ADGRL3: variants seen among roughly 807,000 people sequenced by gnomAD.
The protein encoded by ADGRL3 is adhesion G protein-coupled receptor L3, also known as calcium-independent alpha-latrotoxin receptor 3.
Under a neutral mutation model 153.5 loss-of-function variants are expected in ADGRL3, and 62 were observed. The ratio of observed to expected loss-of-function variants is 0.40; its 90% CI spans 0.33 to 0.50. ADGRL3 has a LOEUF of 0.50. Ranked by LOEUF, ADGRL3 falls within the 20% of genes least tolerant of loss-of-function variation. ADGRL3 has a pLI of 0.47. For missense variants in ADGRL3, 1,641 were observed against 1,859.4 expected (o/e 0.88, Z 2.16); for synonymous variants, 710 against 672.5 (o/e 1.06, Z -0.86).
intron 1 of ADGRL3, among the ~76,000 whole-genome samples, chr4:61,265,811 CTA>C (rs1425466138): frequency 6.6e-6 from 1 of 151,796 alleles, no homozygotes; most frequent in Non-Finnish European, 1.5e-5. Context: ...TAGCTTCAAT[CTA>C]TGATTTTTGA....
intron 1 of ADGRL3, among the ~76,000 whole-genome samples, chr4:61,375,165 A>C (rs1374018506): frequency 6.6e-6 from 1 of 152,100 alleles, no homozygotes; most frequent in African/African-American, 2.4e-5. Context: ...AAAATCTATC[A>C]TGAGTCTGTA....
At chr4:61,397,259 A>T (rs2096879157) in intron 2 of ADGRL3, among the ~76,000 whole-genome samples, 1 of 151,754 alleles carries the variant, frequency 6.6e-6, no homozygotes, top group Admixed American at 6.6e-5. Context: ...CTCCTCACAA[A>T]CTTTTTAAAT....
chr4:61,908,949 T>C (rs1206403046), intron 11 of ADGRL3, among the ~76,000 whole-genome samples: 1 of 152,186 alleles, frequency 6.6e-6, no homozygotes, highest in East Asian at 1.9e-4. Flanking sequence ...GACATATTCT[T>C]GTAGAATGTA....
chr4:62,030,226 C>G (rs2151491228), intron 22 of ADGRL3, among the ~76,000 whole-genome samples: 1 of 151,726 alleles, frequency 6.6e-6, no homozygotes, highest in East Asian at 1.9e-4. Context: ...ACAAATTGAA[C>G]TCAGCTTCAG....
chr4:61,323,438 A>G (rs2095405443), intron 1 of ADGRL3, among the ~76,000 whole-genome samples: 1 of 151,974 alleles, frequency 6.6e-6, no homozygotes, highest in African/African-American at 2.4e-5. Context: ...CAAATTTTCC[A>G]AACTTTTATG....
intron 19 of ADGRL3, among the ~76,000 whole-genome samples, chr4:61,989,672 G>A (rs2099097223): frequency 6.6e-6 from 1 of 151,964 alleles, no homozygotes; most frequent in African/African-American, 2.4e-5. Flanking sequence ...CTATTAAGAA[G>A]TTATCCATAC....
intron 1 of ADGRL3, among the ~76,000 whole-genome samples, chr4:61,222,758 A>C (rs993974149): frequency 1.3e-5 from 2 of 152,160 alleles, no homozygotes; most frequent in Non-Finnish European, 2.9e-5. Context: ...CAAAGTGAAT[A>C]ATTTCCTCTT....
chr4:61,571,822 T>C (rs1404832900), intron 4 of ADGRL3, among the ~76,000 whole-genome samples: 1 of 152,156 alleles, frequency 6.6e-6, no homozygotes, highest in Admixed American at 6.5e-5. Flanking sequence ...CATTTACTAT[T>C]TACTACTTTA....
intron 19 of ADGRL3, among the ~76,000 whole-genome samples, chr4:61,988,429 T>C (rs1299774144): frequency 6.6e-6 from 1 of 152,166 alleles, no homozygotes; most frequent in Admixed American, 6.5e-5. Context: ...TTTTTATGTC[T>C]CTCATACTGT....
At chr4:61,619,590 T>A (rs1056922904) in intron 5 of ADGRL3, among the ~76,000 whole-genome samples, 2 of 152,076 alleles carry the variant, frequency 1.3e-5, no homozygotes, top group Non-Finnish European at 2.9e-5. Context: ...ATGTATTTGT[T>A]ATACTTTCGA....
intron 1 of ADGRL3, among the ~76,000 whole-genome samples, chr4:61,380,423 C>T (rs1290776244): frequency 2.0e-5 from 3 of 151,870 alleles, no homozygotes; most frequent in African/African-American, 7.3e-5. Context: ...AGAAAATGTA[C>T]CTTGAACATT....
At chr4:61,870,458 C>T (rs909797245) in intron 9 of ADGRL3, among the ~76,000 whole-genome samples, 1 of 152,274 alleles carries the variant, frequency 6.6e-6, no homozygotes, top group Non-Finnish European at 1.5e-5. Context: ...ATAAATTGGA[C>T]TCCATCAAAA....
chr4:61,935,561 A>G (rs1246269037), intron 14 of ADGRL3, among the ~76,000 whole-genome samples: 1 of 152,116 alleles, frequency 6.6e-6, no homozygotes, highest in African/African-American at 2.4e-5. Flanking sequence ...CTGGGCTTAA[A>G]GATAGTTTAA....
At chr4:61,461,153 A>G (rs1475039727) in intron 2 of ADGRL3, among the ~76,000 whole-genome samples, 2 of 152,106 alleles carry the variant, frequency 1.3e-5, no homozygotes, top group African/African-American at 4.8e-5. Flanking sequence ...AACTGCCTAC[A>G]TGATTGAATT....
At chr4:61,480,841 G>A (rs2152733970) in intron 2 of ADGRL3, among the ~76,000 whole-genome samples, 1 of 152,112 alleles carries the variant, frequency 6.6e-6, no homozygotes, top group Middle Eastern at 3.4e-3. Context: ...AAGGACCTAA[G>A]TAGATATTTT....
At chr4:61,931,860 T>G (rs1270922284) in intron 13 of ADGRL3, among the ~76,000 whole-genome samples, 1 of 152,106 alleles carries the variant, frequency 6.6e-6, no homozygotes, top group Non-Finnish European at 1.5e-5. Context: ...CACCTTGTAG[T>G]TTTTTAGTTG....
At chr4:61,842,626 TA>T (rs1045296319) in intron 9 of ADGRL3, among the ~76,000 whole-genome samples, 3 of 151,618 alleles carry the variant, frequency 2.0e-5, no homozygotes, top group Non-Finnish European at 4.4e-5. Flanking sequence ...TGTTTTTCCT[TA>T]AAAAAAATCG....
chr4:62,068,137 T>G, intron 25 of ADGRL3, 29 bp from the exon 26 acceptor site: 1 of 1,533,402 alleles, frequency 6.5e-7, no homozygotes, highest in Non-Finnish European at 8.8e-7. Context: ...TGTTGTTTTT[T>G]CTTTCCTTTT....
At chr4:61,753,181 C>T (rs1274593974) in intron 8 of ADGRL3, among the ~76,000 whole-genome samples, 1 of 150,172 alleles carries the variant, frequency 6.7e-6, no homozygotes, top group Non-Finnish European at 1.5e-5. Flanking sequence ...CCCCGAACTC[C>T]TCTAGATGGT....
Sources: allele counts gnomAD v4.1 joint callset (sites outside exome capture counted in the v4.1 genomes callset), GRCh38; gene constraint gnomAD v4.1.1; transcripts MANE v1.5; gene names NCBI Gene and HGNC (gene_info 2026-07-23, HGNC 2026-07-21).